The following HECW2 variants were observed in gnomAD, a reference collection of about 807,000 sequenced individuals.
HECW2 encodes the protein HECT, C2 and WW domain containing E3 ubiquitin protein ligase 2, also known as E3 ubiquitin-protein ligase HECW2.
In HECW2, 61 loss-of-function variants were observed where a neutral mutation model predicts 175.2. The observed-to-expected ratio is 0.35, with a 90% CI of 0.28 to 0.43. The LOEUF (loss-of-function observed/expected upper bound fraction) is 0.43. Ranked by LOEUF, HECW2 falls within the 20% of genes least tolerant of loss-of-function variation. The probability of loss-of-function intolerance (pLI) is 1.00; values close to 1 mark genes in which losing one functional copy is unlikely to be tolerated. For synonymous variants in HECW2, 671 were observed against 731.0 expected (o/e 0.92, Z 1.32); for missense variants, 1,524 against 2,000.5 (o/e 0.76, Z 4.54).
intron 19 of HECW2, among the ~76,000 whole-genome samples, chr2:196,251,818 C>T (rs900016703): frequency 2.0e-5 from 3 of 152,130 alleles, no homozygotes; most frequent in Non-Finnish European, 4.4e-5. Context: ...AATTTATCCT[C>T]CCAATTGCCA....
chr2:196,471,591 T>G (rs1306275981), intron 1 of HECW2, among the ~76,000 whole-genome samples: 1 of 152,114 alleles, frequency 6.6e-6, no homozygotes, highest in African/African-American at 2.4e-5. Context: ...GTAGACTGGA[T>G]GAAGAAAATG....
intron 3 of HECW2, among the ~76,000 whole-genome samples, chr2:196,339,455 A>T (rs1692667853): frequency 6.6e-6 from 1 of 152,216 alleles, no homozygotes; most frequent in South Asian, 2.1e-4. Flanking sequence ...TTCCTCAATG[A>T]TCACATATCA....
intron 3 of HECW2, among the ~76,000 whole-genome samples, chr2:196,335,243 T>C (rs762359403): frequency 1.3e-5 from 2 of 152,226 alleles, no homozygotes; most frequent in South Asian, 2.1e-4. Context: ...TCCACTTTGA[T>C]AGAAAGTAAT....
intron 6 of HECW2, 99 bp downstream of exon 6, chr2:196,324,881 C>A (rs192367568): frequency 3.0e-6 from 3 of 1,010,108 alleles, no homozygotes; most frequent in African/African-American, 1.6e-5. Context: ...CCCCTAGACA[C>A]TTCATAAACA....
Position 196,433,957 on chromosome 2 carries a change from C to A in HECW2, c.-35-499G>T, listed in dbSNP as rs561769792. 2.8e-4 allele frequency among the ~76,000 whole-genome samples: 43 copies of A among 152,336 alleles called. 1 individual carries two copies. In the South Asian group the frequency reaches 8.9e-3, roughly 32 times the overall value. ...TAACTCACTGAAATCTTTTCAGGAG[C>A]TTGCTCAAATGTTACCTCTTCTCCT... On this transcript the variant is annotated intron_variant, in intron 1 of 28. Coordinates refer to ENST00000644978, the MANE Select transcript of HECW2 (RefSeq NM_001348768.2).
chr2:196,215,115 T>C (rs1239047752), intron 28 of HECW2, among the ~76,000 whole-genome samples: 1 of 152,218 alleles, frequency 6.6e-6, no homozygotes. Context: ...CAAATTTTCT[T>C]CCATTCCTCT....
Position 196,427,118 on chromosome 2 carries a change from T to C in HECW2, c.292+6014A>G, listed in dbSNP as rs73989916. Reference sequence around the variant, plus strand: ...AAGAAGCTTGAGCCAGAATCTGAAATACTTACATCAAGAAACTTCAGATGA... The same window carrying C: ...AAGAAGCTTGAGCCAGAATCTGAAACACTTACATCAAGAAACTTCAGATGA... On this transcript the variant is annotated intron_variant, in intron 2 of 28. Transcript: ENST00000644978. Among the ~76,000 whole-genome samples the C allele has an allele frequency of 4.3e-3, 612 of 141,868 alleles. 6 individuals are homozygous for C. The highest frequency in any genetic ancestry group is 0.015 in the African/African-American group (575 of 39,322). 93.1% of individuals were successfully genotyped at this position (141,868 alleles called of 152,430 possible).
At chr2:196,513,788 G>T (rs573787783) in intron 1 of HECW2, among the ~76,000 whole-genome samples, 1 of 152,350 alleles carries the variant, frequency 6.6e-6, no homozygotes, top group Admixed American at 6.5e-5. Flanking sequence ...CTCAAAGAGG[G>T]GTCCATGGAC....
rs1245018762 is a variant in HECW2, at chr2:196,467,141, G to C, written c.-35-33683C>G. 3.3e-5 allele frequency among the ~76,000 whole-genome samples: 5 copies of C among 152,146 alleles called. No homozygotes were observed. In the East Asian group the frequency reaches 9.6e-4, roughly 29 times the overall value. Reference sequence around the variant, plus strand: ...ATGGTTTAGGATAAATTTCAGCCTAGCTTGTCTTCAGTAAATTGTAAATTA... The same window carrying C: ...ATGGTTTAGGATAAATTTCAGCCTACCTTGTCTTCAGTAAATTGTAAATTA... On this transcript the variant is annotated intron_variant, in intron 1 of 28. Transcript: ENST00000644978.
intron 2 of HECW2, among the ~76,000 whole-genome samples, chr2:196,391,069 T>C (rs753345993): frequency 1.3e-5 from 2 of 152,112 alleles, no homozygotes; most frequent in Non-Finnish European, 2.9e-5. Context: ...AATTTGCAAG[T>C]GGATTTAGTC....
At chr2:196,432,908 C>T (rs1253318504) in intron 2 of HECW2, among the ~76,000 whole-genome samples, 2 of 152,148 alleles carry the variant, frequency 1.3e-5, no homozygotes, top group Non-Finnish European at 2.9e-5. Context: ...TCTGAAGGTT[C>T]TGACATTTAA....
chr2:196,393,472 C>T (rs974742377), intron 2 of HECW2, among the ~76,000 whole-genome samples: 1 of 92,436 alleles, frequency 1.1e-5, no homozygotes, highest in Non-Finnish European at 2.9e-5. Flanking sequence ...AATCAAACAA[C>T]CCCATCAACA....
At chr2:196,460,334 G>A (rs1233675627) in intron 1 of HECW2, among the ~76,000 whole-genome samples, 1 of 151,810 alleles carries the variant, frequency 6.6e-6, no homozygotes, top group African/African-American at 2.4e-5. Flanking sequence ...TCCTCCTAAA[G>A]ACAACCAAAA....
chr2:196,395,244 A>G (rs1233679890), intron 2 of HECW2, among the ~76,000 whole-genome samples: 1 of 152,232 alleles, frequency 6.6e-6, no homozygotes, highest in Admixed American at 6.5e-5. Flanking sequence ...ATAGAGCTAA[A>G]ACTTAAAACT....
intron 2 of HECW2, among the ~76,000 whole-genome samples, chr2:196,379,898 C>CA (rs5837506): frequency 5.5e-5 from 7 of 127,638 alleles, no homozygotes; most frequent in African/African-American, 1.2e-4. Flanking sequence ...TATTCTCCAG[C>CA]AAAAAAAAAA....
chr2:196,298,585 T>A (rs2105669853), intron 13 of HECW2, among the ~76,000 whole-genome samples: 1 of 152,310 alleles, frequency 6.6e-6, no homozygotes, highest in African/African-American at 2.4e-5. Flanking sequence ...GCCATGTTGG[T>A]GTGCTGCACC....
chr2:196,337,683 T>C (rs17240264), intron 3 of HECW2, among the ~76,000 whole-genome samples: 5,489 of 151,554 alleles, frequency 0.036, 132 homozygotes, highest in Non-Finnish European at 0.055. Context: ...CCTCCATTCT[T>C]TTGGGCTATA....
At chr2:196,298,031 T>C (rs75760135) in intron 13 of HECW2, among the ~76,000 whole-genome samples, 3,423 of 152,326 alleles carry the variant, frequency 0.022, 69 homozygotes, top group South Asian at 0.092. Flanking sequence ...AATATACGTA[T>C]GGATTTTGGA....
At chr2:196,389,428 T>G (rs1271210039) in intron 2 of HECW2, among the ~76,000 whole-genome samples, 1 of 152,114 alleles carries the variant, frequency 6.6e-6, no homozygotes, top group African/African-American at 2.4e-5. Flanking sequence ...GATACCATAC[T>G]CCCCCTTTAG....
Sources: gnomAD v4.1 joint callset for allele counts (sites outside exome capture counted in the v4.1 genomes callset) on GRCh38, gnomAD v4.1.1 for gene constraint, MANE v1.5 for transcripts, NCBI Gene and HGNC (gene_info 2026-07-23, HGNC 2026-07-21) for gene names.